The following CATSPERE variants were observed in gnomAD, a reference collection of about 807,000 sequenced individuals.
CATSPERE encodes cation channel sperm-associated auxiliary subunit epsilon.
Under a neutral mutation model 114.1 loss-of-function variants are expected in CATSPERE, and 93 were observed. The ratio of observed to expected loss-of-function variants is 0.81; its 90% CI spans 0.69 to 0.97. The LOEUF (loss-of-function observed/expected upper bound fraction) is 0.97, where lower values mean the gene tolerates loss of function less well. CATSPERE is among the 50% of genes least tolerant of loss of function. The probability of loss-of-function intolerance (pLI) is 0.00; values close to 1 mark genes in which losing one functional copy is unlikely to be tolerated. For missense variants in CATSPERE, 1,058 were observed against 1,131.6 expected (o/e 0.93, Z 0.93); for synonymous variants, 341 against 384.1 (o/e 0.89, Z 1.31).
chr1:244,518,301 A>G (rs1331141819), intron 7 of CATSPERE, among the ~76,000 whole-genome samples: 4 of 152,198 alleles, frequency 2.6e-5, no homozygotes, highest in African/African-American at 4.8e-5. Flanking sequence ...GGAGATTAAC[A>G]CTAGGGTTAT....
At chr1:244,610,161 C>G in intron 18 of CATSPERE, 79 bp from the exon 19 acceptor site, 1 of 899,272 alleles carries the variant, frequency 1.1e-6, no homozygotes, top group Non-Finnish European at 1.7e-6. Flanking sequence ...TTTTCAATAG[C>G]AACAAAACAT....
At chr1:244,593,657 T>C in intron 17 of CATSPERE, 79 bp downstream of exon 17, 2 of 1,142,038 alleles carry the variant, frequency 1.8e-6, no homozygotes, top group Non-Finnish European at 2.6e-6. Context: ...TAATTGATCA[T>C]GCATCTAACA....
chr1:244,487,209 G>C (rs1402405044), intron 5 of CATSPERE, among the ~76,000 whole-genome samples: 6 of 151,876 alleles, frequency 4.0e-5, no homozygotes, highest in African/African-American at 1.5e-4. Context: ...ATAGTTGTGG[G>C]CCAGGTGCAG....
chr1:244,601,814 G>A lies in CATSPERE; in HGVS notation c.2304-3881G>A, dbSNP rs1056843316. Among the ~76,000 whole-genome samples the A allele has an allele frequency of 1.4e-4, 22 of 152,222 alleles. 1 individual carries two copies. The highest frequency in any genetic ancestry group is 4.2e-4 in the South Asian group (2 of 4,816). ...CTAAAAACATAGAAATTAGCCGGGC[G>A]TGGGTGGTGGGCGCCTGTAATCCCA... On this transcript the variant is annotated intron_variant, in intron 17 of 21. Transcript: ENST00000366534.
intron 13 of CATSPERE, among the ~76,000 whole-genome samples, chr1:244,584,154 A>G (rs192493873): frequency 1.9e-4 from 29 of 152,346 alleles, no homozygotes; most frequent in Admixed American, 1.2e-3. Context: ...TAATAAAAAA[A>G]CAAAGAAAAA....
rs374118959 is a variant in CATSPERE at position 244,490,427 on chromosome 1, T to G, written c.327-20T>G. On this transcript the variant is annotated intron_variant, in intron 5 of 21. Coordinates refer to ENST00000366534, the MANE Select transcript of CATSPERE (RefSeq NM_001130957.2). ...TTAACAGGCTGTTTACTAAAATATG[T>G]TTCCTCTTTTTCCAAGCAGACATTT... The G allele has an allele frequency of 2.1e-5, 32 of 1,525,472 alleles. 1 individual carries two copies. The African/African-American group carries it at 3.0e-4, about 14-fold the overall frequency. The allele number at this position is 1,525,472 out of a possible 1,614,324, so 94.5% of individuals were successfully genotyped here. A position where few individuals can be genotyped will look rare whatever the true frequency, so the allele number is the denominator to read the frequency against.
chr1:244,522,633 T>C (rs1434061740), intron 8 of CATSPERE, among the ~76,000 whole-genome samples: 1 of 151,742 alleles, frequency 6.6e-6, no homozygotes, highest in African/African-American at 2.4e-5. Context: ...ATAGACGCAA[T>C]AAAAAATGAT....
At chr1:244,516,030 C>CA (rs1298725237) in intron 7 of CATSPERE, among the ~76,000 whole-genome samples, 1 of 151,616 alleles carries the variant, frequency 6.6e-6, no homozygotes, top group East Asian at 1.9e-4. Context: ...CCCATCTGTA[C>CA]AAAAAATACC....
At chr1:244,456,694 C>A (rs1666192984), upstream of CATSPERE, among the ~76,000 whole-genome samples, 2 of 152,154 alleles carry the variant, frequency 1.3e-5, no homozygotes, top group Non-Finnish European at 2.9e-5. Flanking sequence ...GATTTACCTA[C>A]TTTGGAGCAT....
chr1:244,605,555 A>G (rs1484206281), intron 17 of CATSPERE, 140 bp from the exon 18 acceptor site: 2 of 470,466 alleles, frequency 4.3e-6, no homozygotes, highest in African/African-American at 4.0e-5. Context: ...AGTTTAAGTA[A>G]CTCCCCCAGA....
chr1:244,496,596 G>C (rs1484723578), intron 6 of CATSPERE, among the ~76,000 whole-genome samples: 1 of 152,148 alleles, frequency 6.6e-6, no homozygotes, highest in Non-Finnish European at 1.5e-5. Flanking sequence ...CAAAACTTCA[G>C]AACTCTCCTG....
intron 17 of CATSPERE, among the ~76,000 whole-genome samples, chr1:244,602,518 G>A (rs890486765): frequency 2.9e-4 from 44 of 152,310 alleles, no homozygotes; most frequent in Middle Eastern, 3.4e-3. Context: ...GAGTTTTACC[G>A]ATAAAAGGAC....
intron 13 of CATSPERE, among the ~76,000 whole-genome samples, chr1:244,586,775 G>A (rs552567197): frequency 1.1e-4 from 17 of 152,238 alleles, no homozygotes; most frequent in African/African-American, 2.4e-4. Context: ...AAGGCAGAAC[G>A]CAAGTGTGTA....
intron 9 of CATSPERE, among the ~76,000 whole-genome samples, chr1:244,557,180 C>T (rs1028717277): frequency 2.0e-5 from 3 of 151,850 alleles, no homozygotes; most frequent in Admixed American, 6.6e-5. Context: ...TGTTCTTCTT[C>T]GAGATTGCTT....
chr1:244,479,670 T>A (rs752077149), intron 4 of CATSPERE, 47 bp from the exon 5 acceptor site: 5 of 1,223,802 alleles, frequency 4.1e-6, no homozygotes, highest in Non-Finnish European at 6.0e-6. Flanking sequence ...ATATTTGCAT[T>A]TGATTTAATG....
intron 7 of CATSPERE, among the ~76,000 whole-genome samples, chr1:244,499,757 G>T (rs1484769978): frequency 6.6e-6 from 1 of 152,052 alleles, no homozygotes; most frequent in Non-Finnish European, 1.5e-5. Context: ...TGGGCATCTG[G>T]GTTGGTTCCA....
At chr1:244,462,194 T>C (rs573998147) in intron 1 of CATSPERE, among the ~76,000 whole-genome samples, 1 of 152,306 alleles carries the variant, frequency 6.6e-6, no homozygotes, top group African/African-American at 2.4e-5. Context: ...GAGAGGATCG[T>C]TGTGGTCCAA....
chr1:244,460,222 T>C (rs541594667), upstream of CATSPERE, among the ~76,000 whole-genome samples: 1 of 152,308 alleles, frequency 6.6e-6, no homozygotes, highest in African/African-American at 2.4e-5. Context: ...ATTGCCTTTG[T>C]AGGACTAACA....
chr1:244,482,242 G>A (rs900563950), intron 5 of CATSPERE, among the ~76,000 whole-genome samples: 4 of 152,166 alleles, frequency 2.6e-5, no homozygotes, highest in Non-Finnish European at 4.4e-5. Context: ...CAAGGTGAGA[G>A]GATTGCTTGA....
Sources: allele counts gnomAD v4.1 joint callset (sites outside exome capture counted in the v4.1 genomes callset), GRCh38; gene constraint gnomAD v4.1.1; transcripts MANE v1.5; gene names NCBI Gene and HGNC (gene_info 2026-07-23, HGNC 2026-07-21).